UNC79: variants seen among roughly 807,000 people sequenced by gnomAD.
The protein encoded by UNC79 is unc-79 subunit of NALCN channel complex.
A neutral mutation model predicts 283.1 loss-of-function variants in UNC79; 37 were observed. The observed-to-expected ratio is 0.13, with a 90% CI of 0.10 to 0.17. The LOEUF (loss-of-function observed/expected upper bound fraction) is 0.17, where lower values mean the gene tolerates loss of function less well. Among genes scored for constraint, UNC79 ranks in the 10% least tolerant of loss-of-function variants. UNC79 has a pLI of 1.00. For synonymous variants in UNC79, 1,107 were observed against 1,200.2 expected (o/e 0.92, Z 1.61); for missense variants, 2,272 against 3,211.1 (o/e 0.71, Z 7.07).
At chr14:93,435,991 A>C (rs2056073138) in intron 1 of UNC79, among the ~76,000 whole-genome samples, 1 of 152,078 alleles carries the variant, frequency 6.6e-6, no homozygotes, top group Non-Finnish European at 1.5e-5. Flanking sequence ...TATTTCAATT[A>C]GTTTCTTGTT....
intron 30 of UNC79, among the ~76,000 whole-genome samples, chr14:93,624,721 T>C (rs888935187): frequency 3.3e-5 from 5 of 152,324 alleles, no homozygotes; most frequent in Admixed American, 2.6e-4. Flanking sequence ...CATAAGGCTT[T>C]GCCTCCCACT....
At chr14:93,398,235 T>C (rs1002758898) in intron 1 of UNC79, among the ~76,000 whole-genome samples, 1 of 152,184 alleles carries the variant, frequency 6.6e-6, no homozygotes, top group Non-Finnish European at 1.5e-5. Flanking sequence ...GATTTGGTAA[T>C]ACCTACAGGA....
intron 33 of UNC79, among the ~76,000 whole-genome samples, chr14:93,642,969 T>C (rs1332989369): frequency 6.6e-6 from 1 of 152,126 alleles, no homozygotes; most frequent in Non-Finnish European, 1.5e-5. Context: ...CGGGTGCCAT[T>C]GTTTGTGCTT....
At chr14:93,501,241 T>C (rs2059270204) in intron 7 of UNC79, among the ~76,000 whole-genome samples, 1 of 152,092 alleles carries the variant, frequency 6.6e-6, no homozygotes, top group Admixed American at 6.5e-5. Flanking sequence ...GGAGAATCCC[T>C]TGAACCTGGT....
intron 39 of UNC79, 112 bp downstream of exon 42, chr14:93,659,373 C>A: frequency 1.3e-6 from 1 of 792,970 alleles, no homozygotes; most frequent in East Asian, 2.7e-5. Context: ...GAATGCTTCC[C>A]TTTCAGCCTC....
At chr14:93,603,860 A>G (rs926110618) in intron 26 of UNC79, among the ~76,000 whole-genome samples, 1 of 152,196 alleles carries the variant, frequency 6.6e-6, no homozygotes, top group Non-Finnish European at 1.5e-5. Flanking sequence ...AAGCAGCCAC[A>G]CAAGCCCCCT....
At chr14:93,334,241 A>G (rs1376092031) in intron 1 of UNC79, among the ~76,000 whole-genome samples, 4 of 152,034 alleles carry the variant, frequency 2.6e-5, no homozygotes, top group Admixed American at 2.6e-4. Context: ...TATTTTCCTC[A>G]CCCTCATTCT....
chr14:93,467,811 C>A lies in UNC79; in HGVS notation c.143+20C>A. On this transcript the variant is annotated intron_variant, in intron 2 of 48. Coordinates refer to ENST00000555664, the Ensembl canonical transcript of UNC79. ...GTTAAGGTAAGCTTTACAATATCCT[C>A]TACTTTGAGAGAATTATTAGGTAGT... 6.7e-7 allele frequency: 1 copy of A among 1,484,660 alleles called. No individual in the cohort carries two copies. Among genetic ancestry groups the A allele is most frequent in the Non-Finnish European group, 8.9e-7 (1 of 1,129,022 alleles). 92.0% of individuals were successfully genotyped at this position (1,484,660 alleles called of 1,614,324 possible).
intron 2 of UNC79, among the ~76,000 whole-genome samples, chr14:93,469,935 G>A (rs1038934153): frequency 6.6e-6 from 1 of 152,086 alleles, no homozygotes. Flanking sequence ...TAAGCATTTG[G>A]TGTCCAAGAT....
intron 1 of UNC79, among the ~76,000 whole-genome samples, chr14:93,376,388 A>G (rs1457281388): frequency 6.6e-6 from 1 of 152,154 alleles, no homozygotes; most frequent in Admixed American, 6.5e-5. Context: ...AATGAGCATT[A>G]TTTACTAATG....
At chr14:93,343,695 A>G (rs1056019737) in intron 1 of UNC79, among the ~76,000 whole-genome samples, 6 of 152,350 alleles carry the variant, frequency 3.9e-5, no homozygotes, top group African/African-American at 1.4e-4. Flanking sequence ...CTAGAACTTT[A>G]ACACCAGTTT....
Position 93,542,468 on chromosome 14 carries a change from G to C in UNC79, c.1527G>C (p.Val509=), listed in dbSNP as rs748534260. The C allele has an allele frequency of 5.6e-6, 9 of 1,612,890 alleles. No individual in the cohort carries two copies. The Admixed American group carries it at 1.5e-4, about 27-fold the overall frequency. ...GGTTCTAATCTACCTACTTCTAGGT[G>C]AGCCTCTGCACACCCAGTGAGAACA... Residue 509 remains valine, a splice_region_variant and synonymous_variant, in exon 14 of 49, where the codon GTG becomes GTC. Transcript: ENST00000555664.
At chr14:93,381,282 G>A (rs1260366311) in intron 1 of UNC79, among the ~76,000 whole-genome samples, 1 of 152,190 alleles carries the variant, frequency 6.6e-6, no homozygotes, top group Non-Finnish European at 1.5e-5. Flanking sequence ...AATATCATGG[G>A]ATTATCTGAT....
chr14:93,588,869 G>A (rs984405420), intron 22 of UNC79, among the ~76,000 whole-genome samples: 6 of 151,540 alleles, frequency 4.0e-5, no homozygotes, highest in Non-Finnish European at 7.4e-5. Context: ...GTGCGATCAA[G>A]AACAAAAGGT....
At chr14:93,630,888 G>A in exon 31 of UNC79, 9 of 1,614,014 alleles carry the variant, frequency 5.6e-6, no homozygotes, top group Non-Finnish European at 7.6e-6. Context: ...CCGGAAACAA[G>A]TAGCCATTCC....
At chr14:93,642,692 C>T (rs1317064583) in intron 33 of UNC79, among the ~76,000 whole-genome samples, 4 of 152,084 alleles carry the variant, frequency 2.6e-5, no homozygotes, top group African/African-American at 7.2e-5. Flanking sequence ...CATTTCTTTT[C>T]TTTTTTACTT....
chr14:93,338,197 C>T (rs547316791), intron 1 of UNC79, among the ~76,000 whole-genome samples: 14 of 152,124 alleles, frequency 9.2e-5, no homozygotes, highest in African/African-American at 2.6e-4. Flanking sequence ...TTCCAGCTGG[C>T]GAAGCAACAC....
intron 1 of UNC79, among the ~76,000 whole-genome samples, chr14:93,360,186 T>C (rs2054190825): frequency 6.6e-6 from 1 of 152,146 alleles, no homozygotes; most frequent in Non-Finnish European, 1.5e-5. Context: ...AACCCCCACA[T>C]TGGCTCCCTG....
chr14:93,594,377 C>G (rs2064907934), intron 23 of UNC79, among the ~76,000 whole-genome samples: 1 of 152,092 alleles, frequency 6.6e-6, no homozygotes, highest in South Asian at 2.1e-4. Context: ...TCAAGTATTT[C>G]TTGTGCCTCA....
Sources: allele counts gnomAD v4.1 joint callset (sites outside exome capture counted in the v4.1 genomes callset), GRCh38; gene constraint gnomAD v4.1.1; transcripts MANE v1.5; gene names NCBI Gene and HGNC (gene_info 2026-07-23, HGNC 2026-07-21).